Variants in SMAD2 observed in about 807,000 individuals in gnomAD.
SMAD2 encodes SMAD family member 2.
Under a neutral mutation model 64.4 loss-of-function variants are expected in SMAD2, and 8 were observed. The ratio of observed to expected loss-of-function variants is 0.12; its 90% CI spans 0.07 to 0.22. The LOEUF is 0.22. Among genes scored for constraint, SMAD2 ranks in the 10% least tolerant of loss-of-function variants. The pLI, the probability that SMAD2 is intolerant of heterozygous loss-of-function variation, is 1.00. For missense variants in SMAD2, 289 were observed against 561.2 expected (o/e 0.51, Z 4.90); for synonymous variants, 203 against 195.8 (o/e 1.04, Z -0.31).
At chr18:47,886,485 CTAAACA>C (rs139471236) in intron 2 of SMAD2, among the ~76,000 whole-genome samples, 2,281 of 152,174 alleles carry the variant, frequency 0.015, 58 homozygotes, top group African/African-American at 0.052. Flanking sequence ...CCCTATCATC[CTAAACA>C]TAAATATAAA....
chr18:47,910,955 T>C (rs1167032342), intron 1 of SMAD2, among the ~76,000 whole-genome samples: 1 of 152,052 alleles, frequency 6.6e-6, no homozygotes, highest in East Asian at 1.9e-4. Flanking sequence ...AAAGAAACAT[T>C]AAATAAAAGC....
chr18:47,910,712 TCTTC>T (rs1200151282), intron 1 of SMAD2, among the ~76,000 whole-genome samples: 7 of 152,336 alleles, frequency 4.6e-5, no homozygotes, highest in South Asian at 2.1e-4. Flanking sequence ...ATGTATTTTC[TCTTC>T]CTTATGATTT....
intron 2 of SMAD2, among the ~76,000 whole-genome samples, chr18:47,896,183 A>T (rs1474867288): frequency 1.3e-5 from 2 of 152,246 alleles, no homozygotes; most frequent in Non-Finnish European, 2.9e-5. Flanking sequence ...AGTTTTGACT[A>T]AAGGAGGAGA....
rs1913301259 is a variant in SMAD2 at position 47,835,196 on chromosome 18, A to G, written c.*6631T>C. The G allele has an allele frequency of 4.5e-6, 1 of 220,656 alleles. No individual in the cohort carries two copies. The highest frequency in any genetic ancestry group is 2.2e-5 in the African/African-American group (1 of 44,602). 13.7% of individuals were successfully genotyped at this position (220,656 alleles called of 1,614,324 possible). ...TTTCAAGTCAGGGTTGGAAAAGCAA[A>G]ACTGAGGTGTGAGGTTACACTGGTC... On this transcript the variant is annotated 3_prime_UTR_variant, in exon 11 of 11. Coordinates refer to ENST00000262160, the MANE Select transcript of SMAD2 (RefSeq NM_005901.6).
intron 8 of SMAD2, among the ~76,000 whole-genome samples, chr18:47,846,630 A>G (rs945053037): frequency 1.3e-5 from 2 of 152,196 alleles, no homozygotes; most frequent in Non-Finnish European, 1.5e-5. Context: ...GACTTTGAAG[A>G]TGGATGGCAC....
In SMAD2 at chr18:47,841,689, G is replaced by A. The variant is rs1456688789; in HGVS notation, c.*138C>T. Reference sequence around the variant, plus strand: ...ATATAGGAAACAGATTCCACAAGGTGCTTTAATTGATGAGACCTCAAGTGC... The same window carrying A: ...ATATAGGAAACAGATTCCACAAGGTACTTTAATTGATGAGACCTCAAGTGC... On this transcript the variant is annotated 3_prime_UTR_variant, in exon 11 of 11. Transcript: ENST00000262160. The A allele has an allele frequency of 3.5e-6, 3 of 854,362 alleles. No homozygotes were observed. In the Admixed American group the frequency reaches 6.0e-5, roughly 17 times the overall value. 52.9% of individuals were successfully genotyped at this position (854,362 alleles called of 1,614,324 possible).
rs1321674792 is a variant in SMAD2, at chr18:47,810,819, A to C, written c.*31008T>G. 6.6e-6 allele frequency: 1 copy of C among 152,260 alleles called. No homozygotes were observed. Among genetic ancestry groups the C allele is most frequent in the Non-Finnish European group, 1.5e-5 (1 of 68,062 alleles). The allele number at this position is 152,260 out of a possible 1,614,324, so 9.4% of individuals were successfully genotyped here. ...AAATAAAATAGTCCCATGCATCAGC[A>C]ACAGCCGCCACAGCTGAACTGTCAC... On this transcript the variant is annotated 3_prime_UTR_variant, in exon 11 of 11. Transcript: ENST00000262160.
Position 47,832,685 on chromosome 18 carries a change from T to C in SMAD2, c.*9142A>G, listed in dbSNP as rs976785433. ...TTATATCTTATCTAGTATTTTTCAA[T>C]GGAGCCTTAAAAATGTTATTTTGTT... On this transcript the variant is annotated 3_prime_UTR_variant, in exon 11 of 11. Coordinates refer to ENST00000262160, the MANE Select transcript of SMAD2 (RefSeq NM_005901.6). The C allele has an allele frequency of 6.6e-6, 1 of 152,176 alleles. No homozygotes were observed. Among genetic ancestry groups the C allele is most frequent in the Non-Finnish European group, 1.5e-5 (1 of 68,022 alleles). The allele number at this position is 152,176 out of a possible 1,614,324, so 9.4% of individuals were successfully genotyped here. A position where few individuals can be genotyped will look rare whatever the true frequency, so the allele number is the denominator to read the frequency against.
At chr18:47,910,113 G>A (rs549147203) in intron 1 of SMAD2, among the ~76,000 whole-genome samples, 3 of 151,088 alleles carry the variant, frequency 2.0e-5, no homozygotes, top group Non-Finnish European at 2.9e-5. Flanking sequence ...AGATGTGCCC[G>A]ACTTCACAGC....
intron 8 of SMAD2, among the ~76,000 whole-genome samples, chr18:47,846,055 C>T (rs1158551025): frequency 2.0e-5 from 3 of 151,888 alleles, no homozygotes; most frequent in East Asian, 3.9e-4. Flanking sequence ...AAAAAGTACA[C>T]ATAGTAAAAT....
chr18:47,883,924 T>C (rs778408409), intron 2 of SMAD2, among the ~76,000 whole-genome samples: 1 of 152,172 alleles, frequency 6.6e-6, no homozygotes, highest in Non-Finnish European at 1.5e-5. Context: ...CCCTTCTGCC[T>C]CGAATCTGGG....
In SMAD2 at chr18:47,829,612, TATTTA is replaced by T. The variant is rs1436752976; in HGVS notation, c.*12210_*12214del. On this transcript the variant is annotated 3_prime_UTR_variant, in exon 11 of 11. Transcript: ENST00000262160. ...AAAAGAAGGCAGTTTTCTAGGGGTT[TATTTA>T]ATTATAGGGGGGTTGGGGTAGAGAG... The T allele has an allele frequency of 2.2e-5, 1 of 44,866 alleles. No homozygotes were observed. Among genetic ancestry groups the T allele is most frequent in the Non-Finnish European group, 4.6e-5 (1 of 21,642 alleles). 2.8% of individuals were successfully genotyped at this position (44,866 alleles called of 1,614,324 possible). A position where few individuals can be genotyped will look rare whatever the true frequency, so the allele number is the denominator to read the frequency against.
chr18:47,834,007 AGCTGGATCACTAAGTGTGAGTCTCAC>A lies in SMAD2; in HGVS notation c.*7794_*7819del, dbSNP rs1568020583. 2 of 222,260 alleles carry A rather than the reference AGCTGGATCACTAAGTGTGAGTCTCAC, an allele frequency of 9.0e-6. No individual in the cohort carries two copies. The highest frequency in any genetic ancestry group is 1.3e-3 in the Middle Eastern group (1 of 754). 13.8% of individuals were successfully genotyped at this position (222,260 alleles called of 1,614,324 possible). On this transcript the variant is annotated 3_prime_UTR_variant, in exon 11 of 11. Transcript: ENST00000262160. ...GTTCCATTATAACATCAGTTACCTT[AGCTGGATCACTAAGTGTGAGTCTCAC>A]CACCATACTGGTACCTTCAGCTATT...
In SMAD2 at chr18:47,841,860, T is replaced by C; in HGVS notation, c.1371A>G (p.Gly457=). Residue 457 remains glycine (G), a synonymous_variant, in exon 11 of 11, where the codon GGA becomes GGG. Coordinates refer to ENST00000262160, the MANE Select transcript of SMAD2 (RefSeq NM_005901.6). ...QWLDKVLTQM[G]SPSVRCSSMS ...TGCTTGAGCAACGCACTGAAGGGGA[T>C]CCCATCTGAGTTAATACTTTGTCCA... 6.2e-7 allele frequency: 1 copy of C among 1,614,136 alleles called. No individual in the cohort carries two copies. Among genetic ancestry groups the C allele is most frequent in the Non-Finnish European group, 8.5e-7 (1 of 1,179,994 alleles).
rs2144270858 is a variant in SMAD2 at position 47,839,749 on chromosome 18, G to C, written c.*2078C>G. 8.6e-6 allele frequency: 2 copies of C among 233,268 alleles called. No homozygotes were observed. Among genetic ancestry groups the C allele is most frequent in the East Asian group, 1.2e-4 (2 of 16,612 alleles). 14.4% of individuals were successfully genotyped at this position (233,268 alleles called of 1,614,324 possible). On this transcript the variant is annotated 3_prime_UTR_variant, in exon 11 of 11. Transcript: ENST00000262160. ...GTATAAAGCATTAATACCTAATCAG[G>C]AGTTTCCTTTAGTGTGAACCTTTTT...
In SMAD2 at chr18:47,829,213, A is replaced by G. The variant is rs1464152243; in HGVS notation, c.*12614T>C. 2.0e-5 allele frequency: 3 copies of G among 152,196 alleles called. No individual in the cohort carries two copies. The highest frequency in any genetic ancestry group is 2.9e-5 in the Non-Finnish European group (2 of 68,038). The allele number at this position is 152,196 out of a possible 1,614,324, so 9.4% of individuals were successfully genotyped here. On this transcript the variant is annotated 3_prime_UTR_variant, in exon 11 of 11. Coordinates refer to ENST00000262160, the MANE Select transcript of SMAD2 (RefSeq NM_005901.6). Reference sequence around the variant, plus strand: ...ACAAGGAATTTCAAACTTATCTAAAAGGAAATAGAATACAACAAAGCTCCC... The same window carrying G: ...ACAAGGAATTTCAAACTTATCTAAAGGGAAATAGAATACAACAAAGCTCCC...
chr18:47,894,422 C>G (rs1486268328), intron 2 of SMAD2, among the ~76,000 whole-genome samples: 1 of 152,218 alleles, frequency 6.6e-6, no homozygotes, highest in Non-Finnish European at 1.5e-5. Flanking sequence ...AGTGTGAACA[C>G]TGGCACAGCA....
intron 1 of SMAD2, among the ~76,000 whole-genome samples, chr18:47,911,664 A>G (rs1465402928): frequency 6.6e-6 from 1 of 152,200 alleles, no homozygotes. Context: ...CTTTAGCAAT[A>G]TAGTAGAAAT....
chr18:47,895,432 C>A (rs2033394294), intron 2 of SMAD2: 1 of 152,158 alleles, frequency 6.6e-6, no homozygotes, highest in Non-Finnish European at 1.5e-5. Context: ...GCACTCATTA[C>A]CATATCAAAT....
Sources: allele counts gnomAD v4.1 joint callset (sites outside exome capture counted in the v4.1 genomes callset), GRCh38; gene constraint gnomAD v4.1.1; transcripts MANE v1.5; gene names NCBI Gene and HGNC (gene_info 2026-07-23, HGNC 2026-07-21).